The following PSD2 variants were observed in gnomAD, a reference collection of about 807,000 sequenced individuals.
PSD2 encodes the protein PH and SEC7 domain-containing protein 2.
PSD2 carries 38 observed loss-of-function variants against 69.8 expected under a neutral mutation model. The ratio of observed to expected loss-of-function variants is 0.54; its 90% CI spans 0.42 to 0.71. PSD2 has a LOEUF of 0.71. Ranked by LOEUF, PSD2 falls within the 30% of genes least tolerant of loss-of-function variation. The pLI is 0.00. For synonymous variants in PSD2, 412 were observed against 423.0 expected (o/e 0.97, Z 0.32); for missense variants, 943 against 1,014.5 (o/e 0.93, Z 0.96).
chr5:139,762,871 G>C, the PSD2 span, among the ~76,000 whole-genome samples: 2 of 152,146 alleles, frequency 1.3e-5, no homozygotes, highest in African/African-American at 4.8e-5. Flanking sequence ...AGAGTGGGGA[G>C]AGATGGCCTG....
chr5:139,816,925 C>T (rs1049656106), intron 4 of PSD2, among the ~76,000 whole-genome samples: 5 of 152,236 alleles, frequency 3.3e-5, no homozygotes, highest in Non-Finnish European at 5.9e-5. Flanking sequence ...TCATGCCGCA[C>T]GTCCATTCCA....
chr5:139,817,900 C>T (rs1322133095), intron 5 of PSD2, among the ~76,000 whole-genome samples: 6 of 152,194 alleles, frequency 3.9e-5, no homozygotes, highest in African/African-American at 1.4e-4. Flanking sequence ...GTAAGGTAGG[C>T]ACTATCATTC....
chr5:139,762,765 G>A, the PSD2 span, among the ~76,000 whole-genome samples: 1 of 152,136 alleles, frequency 6.6e-6, no homozygotes, highest in Non-Finnish European at 1.5e-5. Context: ...TCCCGGCAGA[G>A]CCAGCCCCCT....
rs144961701 is a variant in PSD2, at chr5:139,832,096, T to C, written c.1270-1606T>C. 2.0e-3 allele frequency among the ~76,000 whole-genome samples: 305 copies of C among 152,320 alleles called. 1 individual carries two copies. Among genetic ancestry groups the C allele is most frequent in the African/African-American group, 6.8e-3 (282 of 41,546 alleles). Reference sequence around the variant, plus strand: ...TTCACTGCTTTTGTAAAGCCTCCAATGCTGCTGGGAAGGTTCACCCACAAG... The same window carrying C: ...TTCACTGCTTTTGTAAAGCCTCCAACGCTGCTGGGAAGGTTCACCCACAAG... On this transcript the variant is annotated intron_variant, in intron 7 of 14. Coordinates refer to ENST00000274710, the MANE Select transcript of PSD2 (RefSeq NM_032289.4).
chr5:139,753,213 C>A, the PSD2 span, among the ~76,000 whole-genome samples: 727 of 152,244 alleles, frequency 4.8e-3, 10 homozygotes, highest in African/African-American at 0.015. Flanking sequence ...AGCTGCAGCG[C>A]GAGAAACGGG....
chr5:139,813,705 G>T lies in PSD2; in HGVS notation c.768G>T (p.Gly256=). The T allele has an allele frequency of 6.2e-7, 1 of 1,613,498 alleles. No individual in the cohort carries two copies. The highest frequency in any genetic ancestry group is 1.1e-5 in the South Asian group (1 of 90,958). Residue 256 remains glycine, a synonymous_variant, in exon 3 of 15, where the codon GGG becomes GGT. Transcript: ENST00000274710. ...GFHEDGPQGP[G]GDEDDDEEDT... The stretch of plus-strand genomic sequence containing the variant: ...ATGAAGATGGCCCTCAGGGCCCAGG[G>T]GGGGATGAGGATGATGATGAGGAGG...
At chr5:139,802,560 G>A (rs1759700974) in intron 1 of PSD2, among the ~76,000 whole-genome samples, 1 of 151,890 alleles carries the variant, frequency 6.6e-6, no homozygotes, top group African/African-American at 2.4e-5. Flanking sequence ...GAAGTTGGAG[G>A]AAGGTGGCCC....
At chr5:139,798,367 C>A (rs1759585570) in intron 1 of PSD2, among the ~76,000 whole-genome samples, 1 of 152,184 alleles carries the variant, frequency 6.6e-6, no homozygotes, top group Non-Finnish European at 1.5e-5. Flanking sequence ...GTAAGCCACT[C>A]CAGCGCTGTG....
intron 7 of PSD2, among the ~76,000 whole-genome samples, chr5:139,827,861 C>T (rs550042724): frequency 2.7e-4 from 41 of 152,294 alleles, no homozygotes; most frequent in African/African-American, 9.6e-4. Context: ...CCTCCCTTGA[C>T]ATGTGGGGAT....
At chr5:139,796,212 C>T (rs1006132000) in intron 1 of PSD2, among the ~76,000 whole-genome samples, 1 of 152,068 alleles carries the variant, frequency 6.6e-6, no homozygotes, top group Non-Finnish European at 1.5e-5. Flanking sequence ...CTGGCCGGGT[C>T]TGGGCCGGGG....
rs574688887 is a variant in PSD2, at chr5:139,833,224, G to A, written c.1270-478G>A. Among the ~76,000 whole-genome samples, 122 of 152,204 alleles carry A rather than the reference G, an allele frequency of 8.0e-4. 1 individual carries two copies. The South Asian group carries it at 0.025, about 31-fold the overall frequency. On this transcript the variant is annotated intron_variant, in intron 7 of 14. Coordinates refer to ENST00000274710, the MANE Select transcript of PSD2 (RefSeq NM_032289.4). The stretch of plus-strand genomic sequence containing the variant: ...AGTTAACCGTGGAGTAGCGGTGAGA[G>A]CACGGGATTTGGTTTCAGACACACT...
chr5:139,747,869 G>A, the PSD2 span, among the ~76,000 whole-genome samples: 1 of 152,242 alleles, frequency 6.6e-6, no homozygotes, highest in Non-Finnish European at 1.5e-5. The surrounding 1 kb of genome is among the most constrained non-coding windows in gnomAD (Gnocchi z 6.7). Context: ...GCAGAGCGCG[G>A]TGCGCGGGGC....
At chr5:139,835,679 G>A in intron 8 of PSD2, 44 bp from the exon 9 acceptor site, 4 of 1,596,590 alleles carry the variant, frequency 2.5e-6, no homozygotes, top group Non-Finnish European at 3.4e-6. Flanking sequence ...GGGTTTCTTT[G>A]ACCCTTCACC....
At chr5:139,830,010 G>GAAA (rs537099756) in intron 7 of PSD2, among the ~76,000 whole-genome samples, 2,943 of 111,252 alleles carry the variant, frequency 0.026, 55 homozygotes, top group African/African-American at 0.069. Context: ...CTTTTTTTTT[G>GAAA]AAAAAAAAAA....
At chr5:139,769,492 C>T in the PSD2 span, among the ~76,000 whole-genome samples, 1 of 152,068 alleles carries the variant, frequency 6.6e-6, no homozygotes, top group Admixed American at 6.5e-5. Context: ...GGCTGTAGCA[C>T]TTGTGGCTCC....
Position 139,840,110 on chromosome 5 carries a change from G to A in PSD2, c.2052G>A (p.Arg684=), listed in dbSNP as rs766691879. 3.7e-6 allele frequency: 6 copies of A among 1,614,190 alleles called. 1 individual carries two copies. The South Asian group carries it at 6.6e-5, about 18-fold the overall frequency. ...LAEHRCHPVE[R]GIKSKEAEEY... ...AACACAGGTGTCACCCAGTCGAGAG[G>A]GGCATCAAGTCCAAGGAGGCCGAGG... Residue 684 remains arginine (R), a synonymous_variant, in exon 14 of 15, where the codon AGG becomes AGA. Transcript: ENST00000274710.
chr5:139,809,402 T>C lies in PSD2; in HGVS notation c.-39T>C, dbSNP rs778654861. 1 of 1,593,352 alleles carries C rather than the reference T, an allele frequency of 6.3e-7. No individual in the cohort carries two copies. Among genetic ancestry groups the C allele is most frequent in the Non-Finnish European group, 8.5e-7 (1 of 1,172,882 alleles). On this transcript the variant is annotated 5_prime_UTR_variant, in exon 2 of 15. Transcript: ENST00000274710. ...CCACCCACTGCCAGGTCTAGAGGAG[T>C]CCCAGGAGCAGCCAGGACAGGCGGA... is the stretch of plus-strand genomic sequence containing the variant.
At chr5:139,769,462 T>A in the PSD2 span, among the ~76,000 whole-genome samples, 1 of 152,144 alleles carries the variant, frequency 6.6e-6, no homozygotes, top group Non-Finnish European at 1.5e-5. Flanking sequence ...CTCTCCCAGC[T>A]CCTCTGTGGG....
intron 7 of PSD2, among the ~76,000 whole-genome samples, chr5:139,829,519 T>A (rs1420826176): frequency 1.3e-5 from 2 of 152,242 alleles, no homozygotes; most frequent in Non-Finnish European, 2.9e-5. Context: ...GGCCCCTGGC[T>A]AATGCTATTT....
Sources: gnomAD v4.1 joint callset for allele counts (sites outside exome capture counted in the v4.1 genomes callset) on GRCh38, gnomAD v4.1.1 for gene constraint, Gnocchi (gnomAD v3.1) non-coding constraint, MANE v1.5 for transcripts, NCBI Gene and HGNC (gene_info 2026-07-23, HGNC 2026-07-21) for gene names.